CAPZA1: variants seen among roughly 807,000 people sequenced by gnomAD.
CAPZA1 encodes the protein F-actin-capping protein subunit alpha-1.
CAPZA1 carries 10 observed loss-of-function variants against 40.8 expected under a neutral mutation model. The observed-to-expected ratio is 0.25, with a 90% CI of 0.15 to 0.42. The LOEUF is 0.42. Among genes scored for constraint, CAPZA1 ranks in the 10% least tolerant of loss-of-function variants. The pLI is 1.00. For missense variants in CAPZA1, 277 were observed against 353.8 expected, an observed-to-expected ratio of 0.78 and a Z score of 1.74; for synonymous variants, 98 against 115.0, an observed-to-expected ratio of 0.85 and a Z score of 0.95.
chr1:112,665,573 G>A (rs962781298), intron 7 of CAPZA1, among the ~76,000 whole-genome samples: 29 of 152,150 alleles, frequency 1.9e-4, no homozygotes, highest in African/African-American at 6.8e-4. Context: ...TGGAGACTAA[G>A]AAGTCCAAGA....
At position 112,653,598 on chromosome 1, in the gene CAPZA1, T is replaced by C. The variant is rs748278034; in HGVS notation, c.156T>C (p.His52=). The C allele has an allele frequency of 5.8e-6, 9 of 1,539,186 alleles. No individual in the cohort carries two copies. The South Asian group carries it at 7.4e-5, about 13-fold the overall frequency. Residue 52 remains histidine (H), a splice_region_variant and synonymous_variant, in exon 4 of 10, where the codon CAT becomes CAC. Transcript: ENST00000263168. ...TTAAAAAACTTTTAAAAAAAAACAG[T>C]GCATTTGCCCAGTATAACATGGATC... ...NDNLLREGAA[H]AFAQYNMDQF... is the part of the protein sequence containing the mutation.
At chr1:112,667,227 C>G (rs1570729034) in intron 8 of CAPZA1, 82 bp downstream of exon 8, 1 of 966,608 alleles carries the variant, frequency 1.0e-6, no homozygotes, top group South Asian at 1.5e-5. Context: ...AGTGCTGATT[C>G]TGCCAGTAGA....
intron 1 of CAPZA1, among the ~76,000 whole-genome samples, chr1:112,645,473 A>T (rs939925071): frequency 2.0e-5 from 3 of 152,030 alleles, no homozygotes; most frequent in Non-Finnish European, 2.9e-5. Context: ...GAAAATTAAA[A>T]TTTTTTAAAA....
intron 1 of CAPZA1, among the ~76,000 whole-genome samples, chr1:112,630,669 A>G (rs1670903551): frequency 6.6e-6 from 1 of 151,896 alleles, no homozygotes; most frequent in Admixed American, 6.6e-5. Context: ...GAGACGAGAC[A>G]TCATTGTGTC....
chr1:112,657,967 A>G (rs1671531535), intron 5 of CAPZA1, among the ~76,000 whole-genome samples: 1 of 152,100 alleles, frequency 6.6e-6, no homozygotes. Flanking sequence ...CCCAAAGTTC[A>G]TAATTCATTT....
chr1:112,630,004 T>A (rs572998349), intron 1 of CAPZA1, among the ~76,000 whole-genome samples: 1 of 152,304 alleles, frequency 6.6e-6, no homozygotes, highest in African/African-American at 2.4e-5. Context: ...GTACTACTGC[T>A]TTGGCAGTTT....
At chr1:112,625,009 A>G (rs766600124) in intron 1 of CAPZA1, among the ~76,000 whole-genome samples, 3 of 152,168 alleles carry the variant, frequency 2.0e-5, no homozygotes, top group Non-Finnish European at 4.4e-5. Context: ...TGCACAGCCT[A>G]TTGGTATGAA....
intron 1 of CAPZA1, among the ~76,000 whole-genome samples, chr1:112,632,848 TA>T (rs1230187557): frequency 1.3e-5 from 2 of 152,224 alleles, no homozygotes; most frequent in African/African-American, 4.8e-5. Context: ...TAAAGACTAT[TA>T]AAATGACTTT....
chr1:112,619,984 C>A, intron 1 of CAPZA1, 101 bp downstream of exon 1: 1 of 950,002 alleles, frequency 1.1e-6, no homozygotes. Flanking sequence ...GAAAAAGAAG[C>A]TTCTTGGTCC....
At chr1:112,657,482 G>A (rs1671521074) in intron 5 of CAPZA1, among the ~76,000 whole-genome samples, 1 of 152,164 alleles carries the variant, frequency 6.6e-6, no homozygotes, top group Non-Finnish European at 1.5e-5. Flanking sequence ...TGAGTTACCT[G>A]GTCCAGTGTC....
chr1:112,644,713 G>T (rs1671249735), intron 1 of CAPZA1, among the ~76,000 whole-genome samples: 1 of 152,084 alleles, frequency 6.6e-6, no homozygotes, highest in Non-Finnish European at 1.5e-5. Context: ...TCAAATATTA[G>T]GGAATTTTCA....
intron 3 of CAPZA1, chr1:112,650,077 C>CT (rs1387348032): frequency 2.0e-5 from 3 of 152,120 alleles, no homozygotes; most frequent in African/African-American, 7.3e-5. Context: ...TATCACTACT[C>CT]TACTTTTCAA....
chr1:112,632,964 T>G (rs939666495), intron 1 of CAPZA1, among the ~76,000 whole-genome samples: 9 of 152,264 alleles, frequency 5.9e-5, no homozygotes, highest in African/African-American at 1.9e-4. Flanking sequence ...GTCTTATCTC[T>G]TGCTGATAAT....
intron 7 of CAPZA1, 96 bp downstream of exon 7, chr1:112,659,875 G>A: frequency 2.4e-6 from 2 of 850,164 alleles, no homozygotes; most frequent in Middle Eastern, 2.3e-4. Context: ...ATGTGTAGAT[G>A]CAAAGGGAGA....
intron 7 of CAPZA1, among the ~76,000 whole-genome samples, chr1:112,665,996 A>G (rs1219580795): frequency 1.3e-5 from 2 of 152,194 alleles, no homozygotes; most frequent in African/African-American, 4.8e-5. Flanking sequence ...ATAATAGGAT[A>G]ACATCTGCAT....
intron 4 of CAPZA1, 48 bp downstream of exon 4, chr1:112,653,709 C>G: frequency 1.6e-6 from 2 of 1,262,622 alleles, no homozygotes; most frequent in East Asian, 2.3e-5. Context: ...TAGTAGAGAT[C>G]CTATTAATGG....
intron 1 of CAPZA1, among the ~76,000 whole-genome samples, chr1:112,630,769 C>T (rs1189493038): frequency 3.9e-5 from 6 of 152,174 alleles, no homozygotes; most frequent in African/African-American, 1.2e-4. Flanking sequence ...TCACTGTGCC[C>T]AGCCTGAATT....
intron 1 of CAPZA1, among the ~76,000 whole-genome samples, chr1:112,644,442 C>T (rs1211556687): frequency 6.6e-6 from 1 of 152,074 alleles, no homozygotes; most frequent in Non-Finnish European, 1.5e-5. Flanking sequence ...CCACCCACCT[C>T]AGCCTCCCAA....
intron 6 of CAPZA1, 74 bp downstream of exon 6, chr1:112,659,175 A>G (rs1400818953): frequency 6.5e-6 from 6 of 928,530 alleles, no homozygotes; most frequent in Non-Finnish European, 1.1e-5. Context: ...TAATCCAACT[A>G]GCTTGGAATA....
Sources: allele counts gnomAD v4.1 joint callset (sites outside exome capture counted in the v4.1 genomes callset), GRCh38; gene constraint gnomAD v4.1.1; transcripts MANE v1.5; gene names NCBI Gene and HGNC (gene_info 2026-07-23, HGNC 2026-07-21).